Variants in SNX7 observed in about 807,000 individuals in gnomAD.
SNX7 encodes sorting nexin 7.
Under a neutral mutation model 48.4 loss-of-function variants are expected in SNX7, and 35 were observed. The observed-to-expected ratio is 0.72, with a 90% confidence interval of 0.55 to 0.96. The LOEUF (loss-of-function observed/expected upper bound fraction) is 0.96, where lower values mean the gene tolerates loss of function less well. Among genes scored for constraint, SNX7 ranks in the 40% least tolerant of loss-of-function variants. The probability of loss-of-function intolerance (pLI) is 0.00; values close to 1 mark genes in which losing one functional copy is unlikely to be tolerated. For synonymous variants in SNX7, 190 were observed against 190.2 expected, an observed-to-expected ratio of 1.00 and a Z score of 0.01; for missense variants, 553 against 548.9, an observed-to-expected ratio of 1.01 and a Z score of -0.07.
chr1:98,691,389 G>T, intron 3 of SNX7, 146 bp from the exon 4 acceptor site: 3 of 735,448 alleles, frequency 4.1e-6, no homozygotes, highest in Non-Finnish European at 6.1e-6. Context: ...TCTCATTTTT[G>T]GTTCTAACAT....
rs376006567 is a variant in SNX7 at position 98,691,937 on chromosome 1, A to ACACACACTCT, written c.639+239_639+240insACACACTCTC. On this transcript the variant is annotated intron_variant, in intron 4 of 8. Transcript: ENST00000306121. ...TATACACACACACACACACACACAC[A>ACACACACTCT]CTCTCTCTCTCTCTCTCTCTCTCTC... Among the ~76,000 whole-genome samples, 173 of 131,166 alleles carry ACACACACTCT rather than the reference A, an allele frequency of 1.3e-3. 7 individuals are homozygous for ACACACACTCT. The South Asian group carries it at 0.032, about 24-fold the overall frequency. The allele number at this position is 131,166 out of a possible 152,430, so 86.0% of individuals were successfully genotyped here.
intron 8 of SNX7, among the ~76,000 whole-genome samples, chr1:98,747,862 T>C (rs1654380376): frequency 6.6e-6 from 1 of 152,162 alleles, no homozygotes; most frequent in African/African-American, 2.4e-5. Flanking sequence ...TAAGTGTGAT[T>C]TCTGTTCTGA....
At chr1:98,740,532 A>G (rs1654019984) in intron 8 of SNX7, among the ~76,000 whole-genome samples, 1 of 152,180 alleles carries the variant, frequency 6.6e-6, no homozygotes, top group South Asian at 2.1e-4. Context: ...TTTAAATGTT[A>G]AGATCTGCCA....
intron 7 of SNX7, 82 bp downstream of exon 7, chr1:98,701,985 C>A: frequency 1.1e-6 from 1 of 919,322 alleles, no homozygotes; most frequent in Non-Finnish European, 1.7e-6. Context: ...CATGATTGTC[C>A]TTACATGATT....
intron 1 of SNX7, among the ~76,000 whole-genome samples, chr1:98,682,133 T>C (rs1328846897): frequency 1.3e-5 from 2 of 152,050 alleles, no homozygotes; most frequent in Non-Finnish European, 2.9e-5. Flanking sequence ...TTCCTTGTTT[T>C]TCTCTCTCAC....
At chr1:98,663,448 A>G (rs1421872862) in intron 1 of SNX7, among the ~76,000 whole-genome samples, 1 of 151,904 alleles carries the variant, frequency 6.6e-6, no homozygotes, top group African/African-American at 2.4e-5. Context: ...CTGACTCTTA[A>G]GAATCAATGT....
intron 8 of SNX7, among the ~76,000 whole-genome samples, chr1:98,742,264 G>C (rs1233413156): frequency 6.6e-6 from 1 of 152,060 alleles, no homozygotes; most frequent in Non-Finnish European, 1.5e-5. Flanking sequence ...CTAGTAAAGG[G>C]AGCTATGTTC....
Position 98,760,140 on chromosome 1 carries a change from A to G in SNX7, c.*9A>G, listed in dbSNP as rs1655043028. On this transcript the variant is annotated 3_prime_UTR_variant, in exon 9 of 9. Transcript: ENST00000306121. Reference sequence around the variant, plus strand: ...CTGAAGATAAACCTTAATCCCATTGAGGACTTCTGTTTGATCTTTGGGAGA... The same window carrying G: ...CTGAAGATAAACCTTAATCCCATTGGGGACTTCTGTTTGATCTTTGGGAGA... 1.9e-6 allele frequency: 3 copies of G among 1,591,854 alleles called. No homozygotes were observed. The highest frequency in any genetic ancestry group is 1.7e-5 in the Admixed American group (1 of 59,798).
chr1:98,750,936 C>T lies in SNX7; in HGVS notation c.1279-9118C>T, dbSNP rs190308059. Among the ~76,000 whole-genome samples the T allele has an allele frequency of 1.1e-3, 170 of 152,188 alleles. 2 individuals are homozygous for T. Among genetic ancestry groups the T allele is most frequent in the Non-Finnish European group, 2.1e-3 (144 of 67,986 alleles). On this transcript the variant is annotated intron_variant, in intron 8 of 8. Coordinates refer to ENST00000306121, the MANE Select transcript of SNX7 (RefSeq NM_015976.5). ...CAGAGCGAGGCATATTTATACATTA[C>T]ATATGATTTCATTTGCCAACTTTTT...
In SNX7 at chr1:98,695,915, A is replaced by G. The variant is rs1050086781; in HGVS notation, c.838+199A>G. 2.0e-5 allele frequency among the ~76,000 whole-genome samples: 3 copies of G among 152,150 alleles called. No individual in the cohort carries two copies. The South Asian group carries it at 6.2e-4, about 32-fold the overall frequency. On this transcript the variant is annotated intron_variant, in intron 5 of 8. Coordinates refer to ENST00000306121, the MANE Select transcript of SNX7 (RefSeq NM_015976.5). The stretch of plus-strand genomic sequence containing the variant: ...CCAGTCTCCATTTTCACTTTTATCA[A>G]TCACTAGCTGCTCTACTTCCCATTC...
chr1:98,723,235 C>T (rs767232837), intron 7 of SNX7, among the ~76,000 whole-genome samples: 28 of 152,064 alleles, frequency 1.8e-4, no homozygotes, highest in Non-Finnish European at 3.2e-4. Flanking sequence ...TATCTGGGAA[C>T]TATTATTTAA....
Position 98,661,845 on chromosome 1 carries a change from C to T in SNX7, c.114C>T (p.Ser38=), listed in dbSNP as rs559225805. Residue 38 remains serine, a synonymous_variant, in exon 1 of 9, where the codon TCC becomes TCT. Coordinates refer to ENST00000306121, the MANE Select transcript of SNX7 (RefSeq NM_015976.5). Reference sequence around the variant, plus strand: ...CCTTTCCGGGCAGCAGTGGCTCTTCCGCCCTGCTGCAGGCGGAGGTGCTGG... The same window carrying T: ...CCTTTCCGGGCAGCAGTGGCTCTTCTGCCCTGCTGCAGGCGGAGGTGCTGG... ...GAPFPGSSGS[S]ALLQAEVLDL... is the part of the protein sequence containing the mutation. 1 of 1,246,448 alleles carries T rather than the reference C, an allele frequency of 8.0e-7. No individual in the cohort carries two copies. Among genetic ancestry groups the T allele is most frequent in the Admixed American group, 4.2e-5 (1 of 23,654 alleles). The allele number at this position is 1,246,448 out of a possible 1,614,324, so 77.2% of individuals were successfully genotyped here. A position where few individuals can be genotyped will look rare whatever the true frequency, so the allele number is the denominator to read the frequency against.
chr1:98,736,181 A>G (rs948323966), intron 7 of SNX7, among the ~76,000 whole-genome samples: 4 of 152,242 alleles, frequency 2.6e-5, no homozygotes, highest in African/African-American at 9.6e-5. Flanking sequence ...GAAAGCCGAT[A>G]TCAGTAGAAC....
At chr1:98,753,946 T>G (rs1331225649) in intron 8 of SNX7, among the ~76,000 whole-genome samples, 3 of 152,134 alleles carry the variant, frequency 2.0e-5, no homozygotes, top group South Asian at 4.1e-4. Context: ...AATTTCTTTT[T>G]TTTCTTGGTA....
chr1:98,706,386 T>C (rs1387024795), intron 7 of SNX7, among the ~76,000 whole-genome samples: 3 of 152,106 alleles, frequency 2.0e-5, no homozygotes, highest in Non-Finnish European at 4.4e-5. Context: ...AATGAAAGTA[T>C]GCTTGTACAT....
At chr1:98,716,892 G>A (rs574050638) in intron 7 of SNX7, among the ~76,000 whole-genome samples, 1 of 150,184 alleles carries the variant, frequency 6.7e-6, no homozygotes, top group Admixed American at 6.7e-5. Flanking sequence ...ATTGCAACTT[G>A]GAAATGCTTT....
intron 1 of SNX7, among the ~76,000 whole-genome samples, chr1:98,663,997 A>G (rs1649406733): frequency 6.6e-6 from 1 of 152,178 alleles, no homozygotes. Context: ...ATCTGTAGTT[A>G]AGCAAATTTA....
rs771495948 is a variant in SNX7 at position 98,679,596 on chromosome 1, A to T, written c.181-5289A>T. Among the ~76,000 whole-genome samples the T allele has an allele frequency of 4.6e-5, 7 of 152,184 alleles. 1 individual carries two copies. Among genetic ancestry groups the T allele is most frequent in the Non-Finnish European group, 1.0e-4 (7 of 68,038 alleles). ...AAAGGTTAGTCACTTCCTAGATACA[A>T]TGGGGGTACAGACATTGGGTAAATA... On this transcript the variant is annotated intron_variant, in intron 1 of 8. Coordinates refer to ENST00000306121, the MANE Select transcript of SNX7 (RefSeq NM_015976.5).
intron 2 of SNX7, among the ~76,000 whole-genome samples, chr1:98,690,859 C>A (rs1000120062): frequency 1.3e-5 from 2 of 151,944 alleles, no homozygotes; most frequent in African/African-American, 4.8e-5. Context: ...ATGATATTTG[C>A]TTTCTTTCTG....
Sources: gnomAD v4.1 joint callset for allele counts (sites outside exome capture counted in the v4.1 genomes callset) on GRCh38, gnomAD v4.1.1 for gene constraint, MANE v1.5 for transcripts, NCBI Gene and HGNC (gene_info 2026-07-23, HGNC 2026-07-21) for gene names.